The following STRN3 variants were observed in gnomAD, a reference collection of about 807,000 sequenced individuals.
STRN3 encodes the protein striatin-3.
In STRN3, 29 loss-of-function variants were observed where a neutral mutation model predicts 95.6. The observed-to-expected ratio is 0.30, with a 90% confidence interval of 0.23 to 0.41. STRN3 has a LOEUF of 0.41. STRN3 is among the 10% of genes least tolerant of loss of function. STRN3 has a pLI of 1.00. For missense variants in STRN3, 890 were observed against 972.1 expected (o/e 0.92, Z 1.12); for synonymous variants, 331 against 357.6 (o/e 0.93, Z 0.84).
At position 30,997,456 on chromosome 14, in the gene STRN3, G is replaced by C. The variant is rs78298590; in HGVS notation, c.282+28448C>G. ...CACACAACTAGGAACCAACTCTATAGATTAGAGCCCGCCAAAGTTATTCAA... is the reference window on the plus strand; with the variant it reads ...CACACAACTAGGAACCAACTCTATACATTAGAGCCCGCCAAAGTTATTCAA... On this transcript the variant is annotated intron_variant, in intron 1 of 17. Coordinates refer to ENST00000357479, the MANE Select transcript of STRN3 (RefSeq NM_001083893.2). 5.7e-3 allele frequency among the ~76,000 whole-genome samples: 873 copies of C among 152,252 alleles called. 9 individuals carry two copies. Among genetic ancestry groups the C allele is most frequent in the African/African-American group, 0.02 (824 of 41,532 alleles).
intron 13 of STRN3, 56 bp from the exon 14 acceptor site, chr14:30,907,100 T>C (rs1896482550): frequency 1.3e-6 from 2 of 1,574,100 alleles, no homozygotes; most frequent in Non-Finnish European, 8.6e-7. Context: ...AAAGAAACTT[T>C]GATACATAAA....
At chr14:30,991,009 CAT>C (rs1349080286) in intron 1 of STRN3, among the ~76,000 whole-genome samples, 1 of 152,130 alleles carries the variant, frequency 6.6e-6, no homozygotes, top group African/African-American at 2.4e-5. Context: ...GGAATTAAGA[CAT>C]AGCATTAACA....
intron 1 of STRN3, among the ~76,000 whole-genome samples, chr14:31,019,737 G>A (rs377351644): frequency 1.7e-4 from 26 of 151,932 alleles, no homozygotes; most frequent in Admixed American, 1.6e-3. Context: ...AAAACTAGAA[G>A]AGGCTCCACA....
chr14:30,969,186 A>G (rs775431774), intron 1 of STRN3, among the ~76,000 whole-genome samples: 6 of 152,244 alleles, frequency 3.9e-5, no homozygotes, highest in Non-Finnish European at 7.3e-5. Context: ...CTGTAATCCC[A>G]GCACTTTGGG....
At chr14:30,937,834 T>C (rs1878897158) in intron 5 of STRN3, among the ~76,000 whole-genome samples, 1 of 152,164 alleles carries the variant, frequency 6.6e-6, no homozygotes, top group Non-Finnish European at 1.5e-5. Context: ...GGGAGGGTTT[T>C]TGCCCCCCTC....
At position 30,957,237 on chromosome 14, in the gene STRN3, G is replaced by A. The variant is rs553855174; in HGVS notation, c.283-995C>T. Among the ~76,000 whole-genome samples, 11 of 152,166 alleles carry A rather than the reference G, an allele frequency of 7.2e-5. 1 individual carries two copies. The highest frequency in any genetic ancestry group is 1.9e-4 in the African/African-American group (8 of 41,544). On this transcript the variant is annotated intron_variant, in intron 1 of 17. Coordinates refer to ENST00000357479, the MANE Select transcript of STRN3 (RefSeq NM_001083893.2). Reference sequence around the variant, plus strand: ...TGGGAGGCCGAGGCGGGTGGATCACGAGGTCAGGAGATCGAGACCATCCTG... The same window carrying A: ...TGGGAGGCCGAGGCGGGTGGATCACAAGGTCAGGAGATCGAGACCATCCTG...
At chr14:30,964,182 G>T (rs1007138928) in intron 1 of STRN3, among the ~76,000 whole-genome samples, 1 of 152,182 alleles carries the variant, frequency 6.6e-6, no homozygotes, top group African/African-American at 2.4e-5. Context: ...AACCTGGGAG[G>T]TGGAGGTTGC....
At chr14:30,981,608 C>CACACACACACA (rs1881404718) in intron 1 of STRN3, among the ~76,000 whole-genome samples, 1 of 79,422 alleles carries the variant, frequency 1.3e-5, no homozygotes, top group Non-Finnish European at 2.8e-5. Context: ...ACACACACAC[C>CACACACACACA]CCATAATTCA....
intron 7 of STRN3, chr14:30,932,241 TG>T (rs1878577612): frequency 6.6e-6 from 1 of 152,000 alleles, no homozygotes; most frequent in Non-Finnish European, 1.5e-5. Flanking sequence ...CACTCCAGCC[TG>T]GGTAACAGAG....
At chr14:30,900,424 C>A (rs1253872671) in intron 16 of STRN3, among the ~76,000 whole-genome samples, 3 of 124,044 alleles carry the variant, frequency 2.4e-5, no homozygotes, top group African/African-American at 9.5e-5. Flanking sequence ...TTTCATGTAA[C>A]TCAACGGGGG....
chr14:30,906,256 C>T (rs1896458232), intron 14 of STRN3, among the ~76,000 whole-genome samples: 1 of 151,826 alleles, frequency 6.6e-6, no homozygotes, highest in Non-Finnish European at 1.5e-5. Context: ...CTAAGAGACA[C>T]AAAATTATAT....
intron 5 of STRN3, among the ~76,000 whole-genome samples, chr14:30,937,864 T>C (rs959725520): frequency 6.6e-6 from 1 of 152,146 alleles, no homozygotes; most frequent in Non-Finnish European, 1.5e-5. Context: ...TTCCCTCCAT[T>C]AGTCCAAATT....
intron 8 of STRN3, among the ~76,000 whole-genome samples, chr14:30,919,342 T>C (rs980695143): frequency 6.6e-6 from 1 of 150,824 alleles, no homozygotes; most frequent in Admixed American, 6.7e-5. Flanking sequence ...CTATATTACA[T>C]ATATGTCTCT....
rs59121181 is a variant in STRN3, at chr14:30,985,258, C to T, written c.283-29016G>A. The stretch of plus-strand genomic sequence containing the variant: ...AGGAGGCAGAGGTTGCAGTGAGCCA[C>T]GATGGCACCATTGCACTCCAGCCTG... On this transcript the variant is annotated intron_variant, in intron 1 of 17. Coordinates refer to ENST00000357479, the MANE Select transcript of STRN3 (RefSeq NM_001083893.2). Among the ~76,000 whole-genome samples, 599 of 139,334 alleles carry T rather than the reference C, an allele frequency of 4.3e-3. 1 individual carries two copies. The highest frequency in any genetic ancestry group is 0.016 in the African/African-American group (579 of 37,126). The allele number at this position is 139,334 out of a possible 152,430, so 91.4% of individuals were successfully genotyped here. A position where few individuals can be genotyped will look rare whatever the true frequency, so the allele number is the denominator to read the frequency against.
chr14:30,965,296 A>G (rs940212527), intron 1 of STRN3, among the ~76,000 whole-genome samples: 2 of 152,206 alleles, frequency 1.3e-5, no homozygotes, highest in African/African-American at 4.8e-5. Flanking sequence ...AAGTACTCCC[A>G]GTTTGCTGCA....
At chr14:31,002,624 G>A (rs1031617276) in intron 1 of STRN3, among the ~76,000 whole-genome samples, 5 of 149,062 alleles carry the variant, frequency 3.4e-5, no homozygotes, top group Non-Finnish European at 5.9e-5. Context: ...CTGGACAACA[G>A]GGCAAGACTG....
At chr14:30,933,571 C>G (rs1878663356) in intron 7 of STRN3, among the ~76,000 whole-genome samples, 1 of 151,958 alleles carries the variant, frequency 6.6e-6, no homozygotes, top group African/African-American at 2.4e-5. Context: ...CACAGAGAAG[C>G]TAAAAGAAAA....
intron 1 of STRN3, among the ~76,000 whole-genome samples, chr14:30,987,167 G>C (rs921953218): frequency 6.6e-6 from 1 of 152,062 alleles, no homozygotes; most frequent in Admixed American, 6.6e-5. Context: ...CCAAAGAAAG[G>C]GCAAGAGTAA....
chr14:30,924,220 A>AC (rs1242542944), intron 8 of STRN3, among the ~76,000 whole-genome samples: 2 of 45,274 alleles, frequency 4.4e-5, no homozygotes, highest in Non-Finnish European at 8.0e-5. Flanking sequence ...CTCAAAAAAA[A>AC]AAAAACAAAA....
Sources: allele counts gnomAD v4.1 joint callset (sites outside exome capture counted in the v4.1 genomes callset), GRCh38; gene constraint gnomAD v4.1.1; transcripts MANE v1.5; gene names NCBI Gene and HGNC (gene_info 2026-07-23, HGNC 2026-07-21).